Variants in PDE11A observed in about 807,000 individuals in gnomAD.
PDE11A encodes the protein phosphodiesterase 11A.
A neutral mutation model predicts 100.5 loss-of-function variants in PDE11A; 100 were observed. That is an observed-to-expected ratio of 1.00 (90% confidence interval 0.85 to 1.18). PDE11A has a LOEUF of 1.18. Ranked by LOEUF, PDE11A falls within the 50% of genes most tolerant of loss-of-function variation. PDE11A has a pLI of 0.00. For synonymous variants in PDE11A, 381 were observed against 420.8 expected, an observed-to-expected ratio of 0.91 and a Z score of 1.16; for missense variants, 1,141 against 1,152.6, an observed-to-expected ratio of 0.99 and a Z score of 0.15.
At chr2:177,988,651 G>A (rs1405645) in intron 2 of PDE11A, among the ~76,000 whole-genome samples, 64,590 of 152,016 alleles carry the variant, frequency 0.42, 16,903 homozygotes, top group Admixed American at 0.56. Context: ...TATAAATTAC[G>A]TAGCCAGTCC....
chr2:178,028,966 C>T (rs1299225277), intron 1 of PDE11A, among the ~76,000 whole-genome samples: 1 of 152,118 alleles, frequency 6.6e-6, no homozygotes, highest in African/African-American at 2.4e-5. Context: ...CCTAGGCTAC[C>T]AAAGTCTATA....
intron 2 of PDE11A, chr2:177,998,678 T>TG: frequency 1.7e-6 from 2 of 1,192,006 alleles, no homozygotes; most frequent in Non-Finnish European, 2.5e-6. Context: ...CACCATCCAG[T>TG]ATCACTTGAT....
chr2:177,900,807 A>G (rs1416308619), intron 3 of PDE11A, among the ~76,000 whole-genome samples: 2 of 152,174 alleles, frequency 1.3e-5, no homozygotes, highest in Non-Finnish European at 2.9e-5. Context: ...TGAGTTAAGA[A>G]ATCCATGAAA....
At chr2:178,021,577 A>G (rs2086412377) in intron 1 of PDE11A, among the ~76,000 whole-genome samples, 1 of 152,198 alleles carries the variant, frequency 6.6e-6, no homozygotes. Context: ...ATATTATAGA[A>G]GGAACAAAAG....
chr2:177,908,615 G>A (rs1390752089), intron 2 of PDE11A, among the ~76,000 whole-genome samples: 1 of 152,178 alleles, frequency 6.6e-6, no homozygotes, highest in Non-Finnish European at 1.5e-5. Context: ...CTCACAGATA[G>A]GGGCTGTGGC....
intron 13 of PDE11A, among the ~76,000 whole-genome samples, chr2:177,705,168 T>A (rs938814924): frequency 6.6e-6 from 1 of 152,104 alleles, no homozygotes; most frequent in East Asian, 1.9e-4. Flanking sequence ...AAAGAGGTCA[T>A]GTCTCTCACA....
At chr2:177,852,497 C>G (rs1179563197) in intron 5 of PDE11A, among the ~76,000 whole-genome samples, 2 of 152,102 alleles carry the variant, frequency 1.3e-5, no homozygotes, top group Admixed American at 1.3e-4. Flanking sequence ...TTTTCCCCCT[C>G]AGCTCAGCCT....
At chr2:178,057,888 C>T (rs1324927693) in intron 1 of PDE11A, among the ~76,000 whole-genome samples, 4 of 152,132 alleles carry the variant, frequency 2.6e-5, no homozygotes, top group African/African-American at 9.7e-5. Context: ...GATGGAGTCT[C>T]ACTCTATCAC....
intron 12 of PDE11A, among the ~76,000 whole-genome samples, chr2:177,719,628 G>A (rs975268542): frequency 6.6e-6 from 1 of 152,102 alleles, no homozygotes; most frequent in South Asian, 2.1e-4. Context: ...CTGTGTCATC[G>A]TGCCTTTGCT....
rs190447651 is a variant in PDE11A at position 177,814,181 on chromosome 2, G to A, written c.1737+2648C>T. On this transcript the variant is annotated intron_variant, in intron 9 of 19. Transcript: ENST00000286063. ...ATAAAGTAGCTCAAATCTTTTATGG[G>A]ACTAAGCAAGTTATAAATACATACT... 6.1e-3 allele frequency among the ~76,000 whole-genome samples: 923 copies of A among 151,872 alleles called. 6 individuals are homozygous for A. The highest frequency in any genetic ancestry group is 9.1e-3 in the Non-Finnish European group (621 of 67,950).
chr2:177,946,229 T>TG (rs1283160979), intron 2 of PDE11A, among the ~76,000 whole-genome samples: 13 of 85,106 alleles, frequency 1.5e-4, no homozygotes, highest in East Asian at 8.9e-4. Context: ...GGGAGGGAGG[T>TG]GGGGGGGTCA....
intron 2 of PDE11A, among the ~76,000 whole-genome samples, chr2:178,083,624 C>G (rs1455108844): frequency 6.6e-6 from 1 of 152,132 alleles, no homozygotes. Context: ...TCTGAATTAC[C>G]TTTTCCTGCT....
intron 1 of PDE11A, among the ~76,000 whole-genome samples, chr2:178,036,995 T>C (rs1198048081): frequency 1.3e-5 from 2 of 152,058 alleles, no homozygotes; most frequent in South Asian, 2.1e-4. Flanking sequence ...CCAAAAGCAA[T>C]TGCAACAAAA....
At chr2:177,963,511 C>G (rs1310365960) in intron 2 of PDE11A, among the ~76,000 whole-genome samples, 1 of 152,162 alleles carries the variant, frequency 6.6e-6, no homozygotes, top group East Asian at 1.9e-4. Flanking sequence ...AAGATAAACT[C>G]AAGTCCAGTG....
chr2:178,048,500 G>T (rs959191329), intron 1 of PDE11A, among the ~76,000 whole-genome samples: 1 of 152,112 alleles, frequency 6.6e-6, no homozygotes, highest in Non-Finnish European at 1.5e-5. Flanking sequence ...TCCATTCCTT[G>T]GTCCTCCTCA....
At chr2:177,828,915 T>C (rs2083266582) in intron 6 of PDE11A, among the ~76,000 whole-genome samples, 1 of 152,060 alleles carries the variant, frequency 6.6e-6, no homozygotes, top group African/African-American at 2.4e-5. Flanking sequence ...ACTATTGTGT[T>C]GAGAAAAGAG....
upstream of PDE11A, among the ~76,000 whole-genome samples, chr2:178,076,858 G>C (rs2087213480): frequency 6.6e-6 from 1 of 152,198 alleles, no homozygotes; most frequent in Non-Finnish European, 1.5e-5. Context: ...GTCCAGTAAG[G>C]CCTCTCATAC....
chr2:177,697,432 C>CCTTTTTA lies in PDE11A; in HGVS notation c.2245-1_2245insTAAAAAG (p.Gly749Ter), dbSNP rs772747406. ...GACAGGTTAGCAAAGATATTGTGAC[C>CCTTTTTA]CTGTAATGAGAAAGTAAAAAGTCAC... On this transcript the variant is annotated stop_gained and frameshift_variant and splice_region_variant. Coordinates refer to ENST00000286063, the MANE Select transcript of PDE11A (RefSeq NM_016953.4). LOFTEE classifies it high-confidence loss of function. The CCTTTTTA allele has an allele frequency of 1.6e-5, 24 of 1,462,382 alleles. No homozygotes were observed. Among genetic ancestry groups the CCTTTTTA allele is most frequent in the Non-Finnish European group, 1.9e-5 (20 of 1,042,136 alleles). 90.6% of individuals were successfully genotyped at this position (1,462,382 alleles called of 1,614,324 possible).
rs570772986 is a variant in PDE11A at position 177,886,019 on chromosome 2, T to C, written c.1303-10096A>G. Among the ~76,000 whole-genome samples the C allele has an allele frequency of 2.0e-5, 3 of 152,292 alleles. No individual in the cohort carries two copies. The East Asian group carries it at 5.8e-4, about 29-fold the overall frequency. On this transcript the variant is annotated intron_variant, in intron 4 of 19. Transcript: ENST00000286063. ...GAGAACACTTGTAAAAACTAGGACTTGAGACAGTGCCTTAGGACATAAGAT... is the reference window on the plus strand; with the variant it reads ...GAGAACACTTGTAAAAACTAGGACTCGAGACAGTGCCTTAGGACATAAGAT...
Sources: allele counts gnomAD v4.1 joint callset (sites outside exome capture counted in the v4.1 genomes callset), GRCh38; gene constraint gnomAD v4.1.1; transcripts MANE v1.5; gene names NCBI Gene and HGNC (gene_info 2026-07-23, HGNC 2026-07-21).